The following WWOX variants were observed in gnomAD, a reference collection of about 807,000 sequenced individuals.
WWOX encodes WW domain containing oxidoreductase, also known as WW domain-containing oxidoreductase.
In WWOX, 69 loss-of-function variants were observed where a neutral mutation model predicts 46.2. The observed-to-expected ratio is 1.49, with a 90% CI of 1.23 to 1.82. The LOEUF (loss-of-function observed/expected upper bound fraction) is 1.82. Among genes scored for constraint, WWOX ranks in the 40% most tolerant of loss-of-function variants. The pLI, the probability that WWOX is intolerant of heterozygous loss-of-function variation, is 0.00. For missense variants in WWOX, 919 were observed against 542.6 expected (o/e 1.69, Z -6.89); for synonymous variants, 359 against 202.6 (o/e 1.77, Z -6.56).
rs1434608165 is a variant in WWOX, at chr16:78,907,700, A to G, written c.1057-303908A>G. Among the ~76,000 whole-genome samples, 3 of 152,334 alleles carry G rather than the reference A, an allele frequency of 2.0e-5. No homozygotes were observed. The East Asian group carries it at 5.8e-4, about 29-fold the overall frequency. On this transcript the variant is annotated intron_variant, in intron 8 of 8. Transcript: ENST00000566780. ...TTAATAACTGCTATTTAGCAAAGAC[A>G]GTTGGGTAAGTTACTAGAGGGAGTA...
At chr16:79,207,657 T>G (rs1399226932) in intron 8 of WWOX, among the ~76,000 whole-genome samples, 1 of 152,234 alleles carries the variant, frequency 6.6e-6, no homozygotes, top group East Asian at 1.9e-4. Flanking sequence ...GACAGGAATC[T>G]CCTCTTTCTT....
At chr16:78,286,784 A>G (rs924837963) in intron 5 of WWOX, among the ~76,000 whole-genome samples, 3 of 147,878 alleles carry the variant, frequency 2.0e-5, no homozygotes, top group African/African-American at 7.5e-5. Context: ...ATAAAATATA[A>G]CTATATGAGT....
rs557675917 is a variant in WWOX at position 78,844,862 on chromosome 16, C to T, written c.1057-366746C>T. ...CTGACCCAGTGACCTTGCTCTAGCT[C>T]ACCAGGGACTGAGCATACACCAAAG... On this transcript the variant is annotated intron_variant, in intron 8 of 8. Transcript: ENST00000566780. 2.6e-5 allele frequency among the ~76,000 whole-genome samples: 4 copies of T among 152,270 alleles called. No homozygotes were observed. The South Asian group carries it at 6.2e-4, about 24-fold the overall frequency.
At chr16:78,161,518 C>G (rs2034792173) in intron 4 of WWOX, among the ~76,000 whole-genome samples, 2 of 152,016 alleles carry the variant, frequency 1.3e-5, no homozygotes, top group African/African-American at 4.8e-5. Flanking sequence ...ATAATCATAG[C>G]TGACTGTGCC....
intron 8 of WWOX, among the ~76,000 whole-genome samples, chr16:78,466,880 A>C (rs542906341): frequency 1.3e-5 from 2 of 152,104 alleles, no homozygotes; most frequent in South Asian, 2.1e-4. Context: ...TTTTTCTTCC[A>C]TCTGTATCAC....
intron 8 of WWOX, among the ~76,000 whole-genome samples, chr16:78,571,033 T>C (rs920419957): frequency 6.6e-6 from 1 of 152,222 alleles, no homozygotes; most frequent in Admixed American, 6.5e-5. Flanking sequence ...TCATGTAATC[T>C]GTGATTTTTA....
chr16:79,184,398 C>A (rs1365541943), intron 8 of WWOX, among the ~76,000 whole-genome samples: 3 of 152,190 alleles, frequency 2.0e-5, no homozygotes, highest in Non-Finnish European at 2.9e-5. Flanking sequence ...GGGCAGAGAC[C>A]TGGAATAATC....
chr16:79,088,695 T>C (rs1295790232), intron 8 of WWOX, among the ~76,000 whole-genome samples: 3 of 152,194 alleles, frequency 2.0e-5, no homozygotes, highest in Admixed American at 6.5e-5. Flanking sequence ...ATTTGTCAAA[T>C]ATGTGGTCCA....
At chr16:79,101,372 G>T (rs140890200) in intron 8 of WWOX, 1 of 152,146 alleles carries the variant, frequency 6.6e-6, no homozygotes, top group Admixed American at 6.5e-5. Flanking sequence ...GATTTAACAC[G>T]TCAGGTAAGG....
At chr16:78,687,831 C>G (rs138520591) in intron 8 of WWOX, among the ~76,000 whole-genome samples, 21 of 152,256 alleles carry the variant, frequency 1.4e-4, no homozygotes, top group Admixed American at 1.4e-3. Context: ...CTGAAGCTCT[C>G]AAGTAGGCGT....
At chr16:79,091,588 G>C (rs1350704465) in intron 8 of WWOX, among the ~76,000 whole-genome samples, 1 of 152,058 alleles carries the variant, frequency 6.6e-6, no homozygotes, top group East Asian at 1.9e-4. Context: ...AGAACAATCT[G>C]GGGGAACTGT....
At chr16:78,101,049 T>C (rs1282625527) in intron 1 of WWOX, among the ~76,000 whole-genome samples, 1 of 113,300 alleles carries the variant, frequency 8.8e-6, no homozygotes, top group Non-Finnish European at 1.9e-5. Flanking sequence ...AGGGTTTTTC[T>C]TTTTTTTTTT....
chr16:78,349,622 G>A (rs1369921860), intron 5 of WWOX, among the ~76,000 whole-genome samples: 1 of 119,812 alleles, frequency 8.3e-6, no homozygotes, highest in East Asian at 1.9e-4. Context: ...GTTTATCCAT[G>A]GATTGGTATG....
chr16:78,151,904 A>G (rs545624158), intron 4 of WWOX, among the ~76,000 whole-genome samples: 11 of 152,194 alleles, frequency 7.2e-5, no homozygotes, highest in Admixed American at 6.5e-4. Flanking sequence ...ATATTATAAC[A>G]TGGAGGCCAG....
rs568909057 is a variant in WWOX, at chr16:78,929,177, G to A, written c.1057-282431G>A. ...ACGGTTTGGGGGTGATTTTCAGACC[G>A]TAAATTGAAGTGTAAATATTCGAAT... On this transcript the variant is annotated intron_variant, in intron 8 of 8. Transcript: ENST00000566780. Among the ~76,000 whole-genome samples, 7 of 152,162 alleles carry A rather than the reference G, an allele frequency of 4.6e-5. 1 individual carries two copies. In the South Asian group the frequency reaches 6.2e-4, roughly 14 times the overall value.
intron 4 of WWOX, among the ~76,000 whole-genome samples, chr16:78,131,416 T>C (rs1037704562): frequency 6.6e-6 from 1 of 152,112 alleles, no homozygotes; most frequent in Non-Finnish European, 1.5e-5. Context: ...GGTCTTGCTA[T>C]GTTGCCCATG....
chr16:78,632,832 G>A (rs2046467591), intron 8 of WWOX, among the ~76,000 whole-genome samples: 1 of 151,984 alleles, frequency 6.6e-6, no homozygotes, highest in African/African-American at 2.4e-5. Flanking sequence ...TGCTGGGGTT[G>A]CAGCTGTGAG....
intron 8 of WWOX, among the ~76,000 whole-genome samples, chr16:78,626,193 C>T (rs901676582): frequency 3.3e-5 from 5 of 151,568 alleles, no homozygotes; most frequent in South Asian, 4.2e-4. Flanking sequence ...TGCAGTGGCG[C>T]GATCTTGGCT....
At chr16:79,210,016 C>T (rs1252909364) in intron 8 of WWOX, among the ~76,000 whole-genome samples, 1 of 152,178 alleles carries the variant, frequency 6.6e-6, no homozygotes, top group African/African-American at 2.4e-5. Flanking sequence ...AGGTAACAAA[C>T]CAGCTACTAT....
Sources: gnomAD v4.1 joint callset for allele counts (sites outside exome capture counted in the v4.1 genomes callset) on GRCh38, gnomAD v4.1.1 for gene constraint, MANE v1.5 for transcripts, NCBI Gene and HGNC (gene_info 2026-07-23, HGNC 2026-07-21) for gene names.